C7: variants seen among roughly 807,000 people sequenced by gnomAD.
C7 encodes complement component C7.
C7 carries 83 observed loss-of-function variants against 104.8 expected under a neutral mutation model. The ratio of observed to expected loss-of-function variants is 0.79; its 90% CI spans 0.66 to 0.95. The LOEUF (loss-of-function observed/expected upper bound fraction) is 0.95. Among genes scored for constraint, C7 ranks in the 40% least tolerant of loss-of-function variants. The probability of loss-of-function intolerance (pLI) is 0.00; values close to 1 mark genes in which losing one functional copy is unlikely to be tolerated. For synonymous variants in C7, 415 were observed against 360.6 expected (o/e 1.15, Z -1.71); for missense variants, 1,070 against 1,011.2 (o/e 1.06, Z -0.79).
intron 1 of C7, among the ~76,000 whole-genome samples, chr5:40,923,240 T>C (rs1739479224): frequency 1.3e-5 from 2 of 152,216 alleles, no homozygotes; most frequent in African/African-American, 4.8e-5. Flanking sequence ...ATATCACTAA[T>C]TGTATTAGGC....
At chr5:40,944,468 T>C (rs1178270653) in intron 6 of C7, among the ~76,000 whole-genome samples, 1 of 152,222 alleles carries the variant, frequency 6.6e-6, no homozygotes, top group East Asian at 1.9e-4. Context: ...ACGTGTTCAC[T>C]TTTTCATCAC....
intron 5 of C7, among the ~76,000 whole-genome samples, chr5:40,936,916 C>T (rs1377400783): frequency 2.6e-5 from 4 of 152,124 alleles, no homozygotes; most frequent in Non-Finnish European, 4.4e-5. Context: ...AATATCCAGG[C>T]TGAACAGCAA....
chr5:40,957,499 A>G (rs990355461), intron 10 of C7, among the ~76,000 whole-genome samples: 3 of 152,088 alleles, frequency 2.0e-5, no homozygotes, highest in African/African-American at 7.2e-5. Context: ...CTTGTTGCCC[A>G]GGCTGGAGTG....
chr5:40,972,310 G>T (rs1579875238), intron 14 of C7, 93 bp from the exon 15 acceptor site: 1 of 1,007,982 alleles, frequency 9.9e-7, no homozygotes, highest in East Asian at 2.6e-5. Flanking sequence ...ATATGAAAAA[G>T]CAGAACAAGT....
At chr5:40,925,342 T>G (rs1459777265) in intron 1 of C7, among the ~76,000 whole-genome samples, 2 of 152,202 alleles carry the variant, frequency 1.3e-5, no homozygotes, top group East Asian at 3.9e-4. Flanking sequence ...CAAAACCAGG[T>G]GACTTTTGCT....
chr5:40,932,340 A>G (rs779711203), intron 3 of C7, among the ~76,000 whole-genome samples: 66 of 152,094 alleles, frequency 4.3e-4, no homozygotes, highest in Admixed American at 7.2e-4. Context: ...TTTAATAAAC[A>G]TTTTTGAATG....
intron 1 of C7, among the ~76,000 whole-genome samples, chr5:40,918,005 T>C (rs1437977313): frequency 1.3e-5 from 2 of 152,194 alleles, no homozygotes; most frequent in Non-Finnish European, 2.9e-5. Flanking sequence ...TAAGCTGTTG[T>C]GATTATAAGA....
intron 9 of C7, 107 bp from the exon 10 acceptor site, chr5:40,955,280 T>C: frequency 9.7e-7 from 1 of 1,027,386 alleles, no homozygotes; most frequent in South Asian, 1.5e-5. Context: ...ACAATTTATC[T>C]TTTGACTGTT....
intron 15 of C7, among the ~76,000 whole-genome samples, chr5:40,973,745 AAG>A (rs1740750411): frequency 6.6e-6 from 1 of 152,238 alleles, no homozygotes; most frequent in Admixed American, 6.5e-5. Flanking sequence ...CTAAAAATGA[AAG>A]AGAACAATAT....
At chr5:40,929,571 C>T (rs1482129316) in intron 2 of C7, among the ~76,000 whole-genome samples, 2 of 152,096 alleles carry the variant, frequency 1.3e-5, no homozygotes, top group African/African-American at 4.8e-5. Flanking sequence ...CATCTTGACT[C>T]AAGATATTGC....
At chr5:40,911,929 T>TA (rs1739217758) in intron 1 of C7, among the ~76,000 whole-genome samples, 1 of 150,768 alleles carries the variant, frequency 6.6e-6, no homozygotes, top group African/African-American at 2.4e-5. Flanking sequence ...TTTTTTTTTT[T>TA]AGTAAAGATG....
At position 40,979,890 on chromosome 5, in the gene C7, A is replaced by T; in HGVS notation, c.2331A>T (p.Pro777=). The T allele has an allele frequency of 6.3e-7, 1 of 1,591,384 alleles. No homozygotes were observed. Among genetic ancestry groups the T allele is most frequent in the Non-Finnish European group, 8.6e-7 (1 of 1,165,830 alleles). The change falls in exon 17 of 18, where the codon CCA becomes CCT. Residue 777 remains proline, a synonymous_variant. Transcript: ENST00000313164. The part of the protein sequence containing the change: ...ASAEKACGAC[P]LWGKCDAESS... ...CTGAGAAAGCTTGTGGTGCCTGCCC[A>T]CTGTGGGGAAAATGTGATGGTAAGG... is the stretch of plus-strand genomic sequence containing the variant.
At chr5:40,971,538 C>T (rs902822617) in intron 14 of C7, among the ~76,000 whole-genome samples, 1 of 152,080 alleles carries the variant, frequency 6.6e-6, no homozygotes, top group Non-Finnish European at 1.5e-5. Flanking sequence ...CTGTAGGTTG[C>T]CTGTTTACTC....
chr5:40,955,708 A>C (rs1740278181), intron 10 of C7, among the ~76,000 whole-genome samples, 155 bp downstream of exon 10: 2 of 152,244 alleles, frequency 1.3e-5, no homozygotes, highest in Non-Finnish European at 2.9e-5. Flanking sequence ...GAATGCACAC[A>C]TAATAATAAG....
At chr5:40,936,597 C>T in intron 5 of C7, 112 bp downstream of exon 5, 1 of 981,818 alleles carries the variant, frequency 1.0e-6, no homozygotes, top group Non-Finnish European at 1.5e-6. Flanking sequence ...CAAGATTATT[C>T]ATTGGCTCAG....
At chr5:40,939,194 G>A (rs533972282) in intron 6 of C7, among the ~76,000 whole-genome samples, 10 of 152,268 alleles carry the variant, frequency 6.6e-5, no homozygotes, top group Middle Eastern at 3.4e-3. Flanking sequence ...CAAACATACC[G>A]TCTTCCAATT....
intron 8 of C7, among the ~76,000 whole-genome samples, 187 bp downstream of exon 8, chr5:40,948,032 T>A (rs185205294): frequency 1.7e-4 from 26 of 152,278 alleles, no homozygotes; most frequent in Non-Finnish European, 3.1e-4. Context: ...GAAAAGCCTG[T>A]CTACTGTTTT....
At chr5:40,961,683 G>A (rs900220183) in intron 12 of C7, among the ~76,000 whole-genome samples, 4 of 152,124 alleles carry the variant, frequency 2.6e-5, no homozygotes, top group African/African-American at 4.8e-5. Context: ...GTCGCATCTC[G>A]TCCAATACCT....
chr5:40,958,227 G>A lies in C7; in HGVS notation c.1455G>A (p.Ala485=), dbSNP rs752869761. Residue 485 remains alanine, a synonymous_variant, in exon 11 of 18, where the codon GCG becomes GCA. Coordinates refer to ENST00000313164, the MANE Select transcript of C7 (RefSeq NM_000587.4). ...GCAAACCGTACACATTTGGTGCGGC[G>A]TGTGAGCAAGGAGTCCTCGTAGGGA... ...CHCKPYTFGA[A]CEQGVLVGNQ... is the part of the protein sequence containing the mutation. 2.6e-5 allele frequency: 42 copies of A among 1,611,226 alleles called. No homozygotes were observed. The highest frequency in any genetic ancestry group is 8.4e-5 in the Admixed American group (5 of 59,870).
Sources: gnomAD v4.1 joint callset for allele counts (sites outside exome capture counted in the v4.1 genomes callset) on GRCh38, gnomAD v4.1.1 for gene constraint, MANE v1.5 for transcripts, NCBI Gene and HGNC (gene_info 2026-07-23, HGNC 2026-07-21) for gene names.